SFMBT1: variants seen among roughly 807,000 people sequenced by gnomAD.
The protein encoded by SFMBT1 is scm-like with four MBT domains protein 1.
Under a neutral mutation model 108.7 loss-of-function variants are expected in SFMBT1, and 32 were observed. That is an observed-to-expected ratio of 0.29 (90% CI 0.22 to 0.40). The LOEUF (loss-of-function observed/expected upper bound fraction) is 0.40. SFMBT1 is among the 10% of genes least tolerant of loss of function. SFMBT1 has a pLI of 1.00. For synonymous variants in SFMBT1, 348 were observed against 369.5 expected (o/e 0.94, Z 0.67); for missense variants, 816 against 1,059.6 (o/e 0.77, Z 3.19).
At chr3:52,953,383 G>T (rs903414792) in intron 3 of SFMBT1, among the ~76,000 whole-genome samples, 1 of 151,608 alleles carries the variant, frequency 6.6e-6, no homozygotes, top group Non-Finnish European at 1.5e-5. Flanking sequence ...AGCCCAGGGG[G>T]TTGAGGCTGC....
intron 17 of SFMBT1, among the ~76,000 whole-genome samples, chr3:52,910,629 C>T (rs11716612): frequency 0.11 from 17,116 of 152,172 alleles, 1,000 homozygotes; most frequent in Non-Finnish European, 0.13. Context: ...GCTGGGATTA[C>T]GGGCAGGTGC....
intron 3 of SFMBT1, among the ~76,000 whole-genome samples, chr3:52,947,687 T>C (rs1703418432): frequency 6.6e-6 from 1 of 152,100 alleles, no homozygotes; most frequent in Non-Finnish European, 1.5e-5. Context: ...TGTAGTCTAA[T>C]TTATCAATAT....
Position 52,912,572 on chromosome 3 carries a change from C to A in SFMBT1, c.1696G>T (p.Val566Leu), listed in dbSNP as rs897311411. 1.2e-6 allele frequency: 2 copies of A among 1,614,054 alleles called. No individual in the cohort carries two copies. The highest frequency in any genetic ancestry group is 1.7e-6 in the Non-Finnish European group (2 of 1,180,014). The part of the protein sequence containing the change: ...LRELQLDKDS[V>L]WHGCGEVLKA... Reference sequence around the variant, plus strand: ...AGGACTTCCCCACATCCGTGCCACACAGAGTCTTTGTCCAGCTGGAGCTCC... The same window carrying A: ...AGGACTTCCCCACATCCGTGCCACAAAGAGTCTTTGTCCAGCTGGAGCTCC... The change falls in exon 16 of 21, where the codon GTG becomes TTG. Residue 566 changes from valine (V) to leucine (L), a missense_variant. Physicochemically the swap from Val to Leu is conservative, Grantham distance 32 (BLOSUM62 1). Transcript: ENST00000394752.
chr3:52,913,151 C>T (rs1258480004), intron 15 of SFMBT1, among the ~76,000 whole-genome samples: 1 of 152,152 alleles, frequency 6.6e-6, no homozygotes, highest in African/African-American at 2.4e-5. Context: ...TTATCACGGT[C>T]GCTAGGTTAA....
At chr3:52,999,064 C>T (rs533247249) in intron 1 of SFMBT1, among the ~76,000 whole-genome samples, 5 of 150,916 alleles carry the variant, frequency 3.3e-5, no homozygotes, top group African/African-American at 1.2e-4. Flanking sequence ...CCGGGGACGC[C>T]CGAGGACATG....
rs1704259541 is a variant in SFMBT1, at chr3:52,969,215, T to G, written c.-87A>C. Reference sequence around the variant, plus strand: ...AGGATCTGAAGATTACTTGCAGGTTTCAAGCATCTGTTCAATGGGTATCCA... The same window carrying G: ...AGGATCTGAAGATTACTTGCAGGTTGCAAGCATCTGTTCAATGGGTATCCA... On this transcript the variant is annotated 5_prime_UTR_variant, in exon 2 of 21. Coordinates refer to ENST00000394752, the MANE Select transcript of SFMBT1 (RefSeq NM_016329.4). The G allele has an allele frequency of 6.3e-7, 1 of 1,592,876 alleles. No homozygotes were observed. The highest frequency in any genetic ancestry group is 1.4e-5 in the African/African-American group (1 of 73,762).
chr3:52,951,093 G>A (rs1425682569), intron 3 of SFMBT1, among the ~76,000 whole-genome samples: 3 of 115,438 alleles, frequency 2.6e-5, no homozygotes, highest in African/African-American at 1.0e-4. Context: ...TCCAGTCTGG[G>A]CAACAGAGCA....
intron 1 of SFMBT1, among the ~76,000 whole-genome samples, chr3:53,025,879 A>G (rs1249505611): frequency 6.6e-6 from 1 of 152,214 alleles, no homozygotes; most frequent in East Asian, 1.9e-4. Context: ...GCTGGAAAAC[A>G]GTTAAGAACC....
At chr3:53,020,730 C>T (rs539636568) in intron 1 of SFMBT1, among the ~76,000 whole-genome samples, 1 of 152,190 alleles carries the variant, frequency 6.6e-6, no homozygotes, top group South Asian at 2.1e-4. Flanking sequence ...AGGCTTCCAC[C>T]CAGAGTTTTG....
chr3:53,032,124 C>T (rs1275585431), intron 1 of SFMBT1, among the ~76,000 whole-genome samples: 1 of 152,212 alleles, frequency 6.6e-6, no homozygotes, highest in Non-Finnish European at 1.5e-5. Context: ...AATCCCAGCA[C>T]TTTCAGAGCC....
chr3:52,948,408 T>C (rs540187614), intron 3 of SFMBT1, among the ~76,000 whole-genome samples: 18 of 152,282 alleles, frequency 1.2e-4, no homozygotes, highest in Middle Eastern at 3.4e-3. Context: ...TGATCCACGA[T>C]ATATCCATAT....
chr3:53,020,988 G>A (rs943960083), intron 1 of SFMBT1, among the ~76,000 whole-genome samples: 1 of 152,166 alleles, frequency 6.6e-6, no homozygotes, highest in African/African-American at 2.4e-5. Flanking sequence ...AACCCAGGAA[G>A]CAGAGGTTGC....
At chr3:53,031,278 G>C (rs976702633) in intron 1 of SFMBT1, among the ~76,000 whole-genome samples, 1 of 152,170 alleles carries the variant, frequency 6.6e-6, no homozygotes, top group African/African-American at 2.4e-5. Flanking sequence ...CAGGGCAAAG[G>C]AAGTGGAGCT....
chr3:52,963,714 A>C (rs946876528), intron 2 of SFMBT1, among the ~76,000 whole-genome samples: 3 of 152,086 alleles, frequency 2.0e-5, no homozygotes, highest in African/African-American at 7.2e-5. Flanking sequence ...TTGCCTCCCA[A>C]AGTGCTGGAT....
At chr3:52,998,816 CACA>C (rs1030764750) in intron 1 of SFMBT1, among the ~76,000 whole-genome samples, 4 of 150,624 alleles carry the variant, frequency 2.7e-5, no homozygotes, top group African/African-American at 7.3e-5. Context: ...CTGACTGGCC[CACA>C]ACGTCTTCAG....
intron 8 of SFMBT1, among the ~76,000 whole-genome samples, chr3:52,929,867 A>G (rs1034411135): frequency 3.3e-5 from 5 of 152,204 alleles, no homozygotes; most frequent in African/African-American, 1.2e-4. Flanking sequence ...CAGTATTCCA[A>G]AAGATTAAAT....
chr3:52,996,597 T>C (rs1291824733), intron 1 of SFMBT1, among the ~76,000 whole-genome samples: 2 of 150,034 alleles, frequency 1.3e-5, no homozygotes, highest in Non-Finnish European at 3.0e-5. Flanking sequence ...AAAAGATAAT[T>C]AGTCACTAGG....
intron 1 of SFMBT1, among the ~76,000 whole-genome samples, chr3:52,972,917 G>C (rs1346308822): frequency 6.6e-6 from 1 of 151,980 alleles, no homozygotes; most frequent in African/African-American, 2.4e-5. Flanking sequence ...CCAGCTATTT[G>C]GGAGGCTCAG....
intron 1 of SFMBT1, among the ~76,000 whole-genome samples, chr3:53,036,323 G>A (rs1699867597): frequency 6.6e-6 from 1 of 152,092 alleles, no homozygotes; most frequent in African/African-American, 2.4e-5. Flanking sequence ...TTACTTATCG[G>A]GCTTCCTAGA....
Sources: allele counts gnomAD v4.1 joint callset (sites outside exome capture counted in the v4.1 genomes callset), GRCh38; gene constraint gnomAD v4.1.1; transcripts MANE v1.5; gene names NCBI Gene and HGNC (gene_info 2026-07-23, HGNC 2026-07-21).